Variants in BCAS3 observed in about 807,000 individuals in gnomAD.
BCAS3 encodes BCAS3 microtubule associated cell migration factor.
A neutral mutation model predicts 116.1 loss-of-function variants in BCAS3; 53 were observed. The observed-to-expected ratio is 0.46, with a 90% confidence interval of 0.37 to 0.57. The LOEUF (loss-of-function observed/expected upper bound fraction) is 0.57. BCAS3 is among the 20% of genes least tolerant of loss of function. The pLI is 0.00. For missense variants in BCAS3, 917 were observed against 1,165.4 expected (o/e 0.79, Z 3.10); for synonymous variants, 391 against 408.2 (o/e 0.96, Z 0.51).
chr17:60,870,090 G>T (rs572537978), intron 8 of BCAS3, among the ~76,000 whole-genome samples: 24 of 152,214 alleles, frequency 1.6e-4, no homozygotes, highest in African/African-American at 5.5e-4. Flanking sequence ...AAGGTTTCAG[G>T]TCCCCCACAG....
rs1288955948 is a variant in BCAS3 at position 60,758,057 on chromosome 17, T to C, written c.403+10778T>C. The stretch of plus-strand genomic sequence containing the variant: ...TCTTGGAGTCTTTATCAAAAATCAG[T>C]TGGTTATAAATACATGGATTTATTT... On this transcript the variant is annotated intron_variant, in intron 6 of 23. Coordinates refer to ENST00000407086, the MANE Select transcript of BCAS3 (RefSeq NM_017679.5). Among the ~76,000 whole-genome samples, 18 of 152,320 alleles carry C rather than the reference T, an allele frequency of 1.2e-4. No homozygotes were observed. In the East Asian group the frequency reaches 3.5e-3, roughly 29 times the overall value.
intron 22 of BCAS3, among the ~76,000 whole-genome samples, chr17:61,254,325 C>T (rs115083838): frequency 1.3e-3 from 205 of 152,308 alleles, no homozygotes; most frequent in African/African-American, 4.8e-3. Context: ...CTCTGACATG[C>T]ACATTTCTTT....
intron 22 of BCAS3, among the ~76,000 whole-genome samples, chr17:61,264,005 C>CT (rs570200395): frequency 5.7e-4 from 87 of 152,242 alleles, no homozygotes; most frequent in African/African-American, 2.0e-3. Flanking sequence ...CGACATAATC[C>CT]TATCAGCGGG....
intron 14 of BCAS3, among the ~76,000 whole-genome samples, chr17:60,985,823 A>G (rs1009198995): frequency 1.3e-5 from 2 of 152,030 alleles, no homozygotes; most frequent in Non-Finnish European, 2.9e-5. Context: ...TGCAACCTCC[A>G]CCTCCTGGGT....
At chr17:60,804,393 A>G (rs2048089546) in intron 6 of BCAS3, among the ~76,000 whole-genome samples, 1 of 151,968 alleles carries the variant, frequency 6.6e-6, no homozygotes, top group South Asian at 2.1e-4. Flanking sequence ...AGGCAGGAGA[A>G]TCGTTTGAAC....
chr17:60,706,358 C>G (rs959077855), intron 4 of BCAS3, among the ~76,000 whole-genome samples: 3 of 152,072 alleles, frequency 2.0e-5, no homozygotes, highest in African/African-American at 4.8e-5. Flanking sequence ...GCTACCGCAC[C>G]CAGCAGGATG....
intron 8 of BCAS3, among the ~76,000 whole-genome samples, chr17:60,870,165 G>A (rs2054977645): frequency 2.0e-5 from 3 of 152,150 alleles, no homozygotes; most frequent in Admixed American, 2.0e-4. Flanking sequence ...ATCAATAAAT[G>A]GCACATATAA....
chr17:60,736,061 A>G (rs1361286619), intron 5 of BCAS3, among the ~76,000 whole-genome samples: 1 of 148,408 alleles, frequency 6.7e-6, no homozygotes, highest in Non-Finnish European at 1.5e-5. Flanking sequence ...TTTCAGAGAC[A>G]GGGTCTCACT....
At chr17:60,681,543 A>G (rs2033114219) in intron 2 of BCAS3, among the ~76,000 whole-genome samples, 1 of 150,568 alleles carries the variant, frequency 6.6e-6, no homozygotes, top group South Asian at 2.1e-4. Context: ...ATATGTATAT[A>G]TATTATTCTT....
At chr17:60,992,873 T>C (rs1001056018) in intron 15 of BCAS3, among the ~76,000 whole-genome samples, 3 of 152,102 alleles carry the variant, frequency 2.0e-5, no homozygotes, top group African/African-American at 7.2e-5. Context: ...TGGGGGCTTT[T>C]CTTTTTGTGT....
intron 12 of BCAS3, among the ~76,000 whole-genome samples, chr17:60,912,733 G>A (rs1398477194): frequency 3.3e-5 from 5 of 152,040 alleles, no homozygotes; most frequent in African/African-American, 9.7e-5. Context: ...TTAGTGTTGT[G>A]AGTGTTAGAG....
chr17:60,957,835 T>C (rs574342098), intron 14 of BCAS3, among the ~76,000 whole-genome samples: 2 of 152,316 alleles, frequency 1.3e-5, no homozygotes, highest in South Asian at 4.1e-4. Flanking sequence ...AGAAATACTA[T>C]ATGTAAAATG....
In BCAS3 at chr17:61,333,615, C is replaced by CT. The variant is rs1235831243; in HGVS notation, c.2426-34703dup. Among the ~76,000 whole-genome samples the CT allele has an allele frequency of 4.6e-4, 64 of 139,980 alleles. No homozygotes were observed. Among genetic ancestry groups the CT allele is most frequent in the African/African-American group, 1.8e-3 (58 of 32,314 alleles). The allele number at this position is 139,980 out of a possible 152,430, so 91.8% of individuals were successfully genotyped here. On this transcript the variant is annotated intron_variant, in intron 22 of 23. Coordinates refer to ENST00000407086, the MANE Select transcript of BCAS3 (RefSeq NM_017679.5). This position sits in a 1 kb window ranked among gnomAD's most constrained non-coding sequence, Gnocchi z 4.8. ...AGCTTTATCAAGTTCTTGAAACTTT[C>CT]TTTTTTTTTCTTTTTTTTTTTTTGA...
Position 61,088,205 on chromosome 17 carries a change from A to C in BCAS3, c.2425+3641A>C, listed in dbSNP as rs1227859443. Among the ~76,000 whole-genome samples the C allele has an allele frequency of 6.6e-6, 1 of 152,198 alleles. No individual in the cohort carries two copies. The highest frequency in any genetic ancestry group is 1.5e-5 in the Non-Finnish European group (1 of 68,038). On this transcript the variant is annotated intron_variant, in intron 22 of 23. Transcript: ENST00000407086. This position sits in a 1 kb window ranked among gnomAD's most constrained non-coding sequence, Gnocchi z 4.2. ...TCAAAAAGACAAAACAAAACGAAAC[A>C]AAACAAAAACCATCCTACCTAAAAT...
chr17:60,851,933 G>A (rs1383652523), intron 7 of BCAS3, among the ~76,000 whole-genome samples: 1 of 152,010 alleles, frequency 6.6e-6, no homozygotes, highest in Non-Finnish European at 1.5e-5. Flanking sequence ...ATCATTTGCT[G>A]GTTGTTTATT....
chr17:60,891,688 G>T lies in BCAS3; in HGVS notation c.738+1917G>T, dbSNP rs114583388. On this transcript the variant is annotated intron_variant, in intron 10 of 23. Coordinates refer to ENST00000407086, the MANE Select transcript of BCAS3 (RefSeq NM_017679.5). ...GTTTTGAGATTCACAGGGTACACGT[G>T]CATGTTTGTTACACAGGTATATTGT... 2,228 of 455,748 alleles carry T rather than the reference G, an allele frequency of 4.9e-3. 47 individuals carry two copies. Among genetic ancestry groups the T allele is most frequent in the African/African-American group, 0.038 (1,877 of 50,050 alleles). The allele number at this position is 455,748 out of a possible 1,614,324, so 28.2% of individuals were successfully genotyped here.
At chr17:60,867,408 C>T (rs532011195) in intron 7 of BCAS3, among the ~76,000 whole-genome samples, 9 of 151,904 alleles carry the variant, frequency 5.9e-5, no homozygotes, top group Non-Finnish European at 8.8e-5. Context: ...GCCTGGCCTA[C>T]GTAGGTTTTT....
At chr17:61,074,078 C>T (rs2071701561) in intron 19 of BCAS3, among the ~76,000 whole-genome samples, 2 of 136,844 alleles carry the variant, frequency 1.5e-5, no homozygotes, top group African/African-American at 2.8e-5. Context: ...CACTGTAATC[C>T]AGCATGTGTA....
chr17:60,950,947 T>TG (rs1487578016), intron 14 of BCAS3, among the ~76,000 whole-genome samples: 1 of 152,248 alleles, frequency 6.6e-6, no homozygotes, highest in South Asian at 2.1e-4. Context: ...GTGACCTTCT[T>TG]GCGTTGCATA....
Sources: allele counts gnomAD v4.1 joint callset (sites outside exome capture counted in the v4.1 genomes callset), GRCh38; gene constraint gnomAD v4.1.1; non-coding constraint Gnocchi (gnomAD v3.1); transcripts MANE v1.5; gene names NCBI Gene and HGNC (gene_info 2026-07-23, HGNC 2026-07-21).